FTO: variants seen among roughly 807,000 people sequenced by gnomAD.
FTO encodes the protein alpha-ketoglutarate-dependent dioxygenase FTO.
In FTO, 47 loss-of-function variants were observed where a neutral mutation model predicts 63.9. The ratio of observed to expected loss-of-function variants is 0.74; its 90% CI spans 0.58 to 0.94. The LOEUF is 0.94. FTO is among the 40% of genes least tolerant of loss of function. FTO has a pLI of 0.00. For synonymous variants in FTO, 207 were observed against 224.4 expected (o/e 0.92, Z 0.69); for missense variants, 562 against 618.1 (o/e 0.91, Z 0.96).
chr16:53,924,876 G>A (rs2082100643), intron 7 of FTO, among the ~76,000 whole-genome samples: 1 of 152,102 alleles, frequency 6.6e-6, no homozygotes, highest in Non-Finnish European at 1.5e-5. Context: ...AATCTTTGGT[G>A]GTGCCCAGTC....
chr16:54,108,750 T>A (rs1232001726), intron 8 of FTO, among the ~76,000 whole-genome samples: 1 of 152,208 alleles, frequency 6.6e-6, no homozygotes, highest in Non-Finnish European at 1.5e-5. Flanking sequence ...AGTAAGATAC[T>A]ATTATTACCG....
At chr16:53,939,466 T>C (rs1393932979) in intron 8 of FTO, among the ~76,000 whole-genome samples, 1 of 152,170 alleles carries the variant, frequency 6.6e-6, no homozygotes, top group Non-Finnish European at 1.5e-5. Context: ...TAACGTAAAA[T>C]TGCATATAAC....
At chr16:54,036,949 A>G (rs1418093295) in intron 8 of FTO, among the ~76,000 whole-genome samples, 3 of 152,204 alleles carry the variant, frequency 2.0e-5, no homozygotes, top group South Asian at 2.1e-4. Context: ...TATAGATTAG[A>G]AAGTTGTCAG....
intron 8 of FTO, among the ~76,000 whole-genome samples, chr16:54,003,348 G>T (rs1438477015): frequency 1.3e-5 from 2 of 152,146 alleles, no homozygotes. Context: ...GCCAACATCT[G>T]TTATTATATT....
At chr16:54,031,547 TG>T (rs2084833068) in intron 8 of FTO, among the ~76,000 whole-genome samples, 1 of 152,198 alleles carries the variant, frequency 6.6e-6, no homozygotes. Flanking sequence ...ACAGAGCTGG[TG>T]AGTCAGTTCC....
intron 1 of FTO, among the ~76,000 whole-genome samples, chr16:53,715,426 A>AC (rs2151475360): frequency 6.6e-6 from 1 of 152,328 alleles, no homozygotes; most frequent in Non-Finnish European, 1.5e-5. Flanking sequence ...GTCAATAAGT[A>AC]CCAGGGATGT....
At chr16:54,070,617 T>C (rs1397165002) in intron 8 of FTO, 1 of 152,228 alleles carries the variant, frequency 6.6e-6, no homozygotes, top group Non-Finnish European at 1.5e-5. Context: ...AAAAACACTT[T>C]CTAATACCAC....
chr16:53,910,642 T>C lies in FTO; in HGVS notation c.1239+21691T>C, dbSNP rs573804110. On this transcript the variant is annotated intron_variant, in intron 7 of 8. Transcript: ENST00000471389. ...ACCTCCGCCTCCCAGGTTCAAGTAATCCTCCTGCCTCAGCCTCCCAAGTAG... is the reference window on the plus strand; with the variant it reads ...ACCTCCGCCTCCCAGGTTCAAGTAACCCTCCTGCCTCAGCCTCCCAAGTAG... 1.2e-4 allele frequency among the ~76,000 whole-genome samples: 18 copies of C among 152,280 alleles called. No homozygotes were observed. In the South Asian group the frequency reaches 3.7e-3, roughly 32 times the overall value.
chr16:53,924,671 G>A (rs972528364), intron 7 of FTO, among the ~76,000 whole-genome samples: 2 of 152,188 alleles, frequency 1.3e-5, no homozygotes, highest in Admixed American at 1.3e-4. Context: ...GTGGCACCCA[G>A]TGGTGACTTG....
intron 1 of FTO, among the ~76,000 whole-genome samples, chr16:53,736,632 C>G (rs1393985469): frequency 6.6e-6 from 1 of 152,150 alleles, no homozygotes; most frequent in Non-Finnish European, 1.5e-5. Flanking sequence ...TTCCCTTCTC[C>G]CCAACATCCT....
intron 8 of FTO, among the ~76,000 whole-genome samples, chr16:54,031,511 C>T (rs1188806930): frequency 1.3e-5 from 2 of 151,950 alleles, no homozygotes; most frequent in African/African-American, 4.8e-5. Context: ...TGTCTTTGTG[C>T]CTGAGTCAGT....
chr16:53,971,363 A>G (rs2083313018), intron 8 of FTO, among the ~76,000 whole-genome samples: 1 of 152,222 alleles, frequency 6.6e-6, no homozygotes, highest in Non-Finnish European at 1.5e-5. Context: ...TGCTTTCCAA[A>G]AGCGTTGCAC....
intron 8 of FTO, among the ~76,000 whole-genome samples, chr16:54,090,239 A>G (rs2086353507): frequency 6.6e-6 from 1 of 152,254 alleles, no homozygotes; most frequent in Non-Finnish European, 1.5e-5. Context: ...CACAGTATGA[A>G]TGAACCTTGA....
intron 7 of FTO, among the ~76,000 whole-genome samples, chr16:53,921,414 C>T (rs1415218467): frequency 6.6e-6 from 1 of 152,126 alleles, no homozygotes; most frequent in East Asian, 1.9e-4. Flanking sequence ...CACTTTTAGG[C>T]CAAACATCAT....
At chr16:53,989,899 A>G (rs768264050) in intron 8 of FTO, among the ~76,000 whole-genome samples, 18 of 151,966 alleles carry the variant, frequency 1.2e-4, no homozygotes, top group Non-Finnish European at 2.5e-4. Context: ...AAGACCTTTA[A>G]GATGATCCAC....
At position 53,933,974 on chromosome 16, in the gene FTO, A is replaced by G. The variant is rs1397683312; in HGVS notation, c.1240-11A>G. ...ACTTTTTCTTTCTCTGTTTTGGATCATTTCTTGTAGACAAATGCTGTGCTT... is the reference window on the plus strand; with the variant it reads ...ACTTTTTCTTTCTCTGTTTTGGATCGTTTCTTGTAGACAAATGCTGTGCTT... On this transcript the variant is annotated splice_polypyrimidine_tract_variant and intron_variant, in intron 7 of 8. Coordinates refer to ENST00000471389, the MANE Select transcript of FTO (RefSeq NM_001080432.3). 1.2e-6 allele frequency: 2 copies of G among 1,613,314 alleles called. No homozygotes were observed. Among genetic ancestry groups the G allele is most frequent in the African/African-American group, 2.7e-5 (2 of 74,790 alleles).
chr16:53,943,100 C>A (rs2082570804), intron 8 of FTO, among the ~76,000 whole-genome samples: 1 of 152,196 alleles, frequency 6.6e-6, no homozygotes, highest in South Asian at 2.1e-4. Flanking sequence ...GAAGAAAGTT[C>A]TTTGTGTTTC....
At chr16:53,903,570 T>C (rs923501787) in intron 7 of FTO, among the ~76,000 whole-genome samples, 37 of 152,324 alleles carry the variant, frequency 2.4e-4, no homozygotes, top group African/African-American at 7.9e-4. Flanking sequence ...AGATATTCTA[T>C]GTAGTTACAA....
chr16:53,852,973 T>C (rs999326612), intron 4 of FTO, among the ~76,000 whole-genome samples: 1 of 152,216 alleles, frequency 6.6e-6, no homozygotes, highest in African/African-American at 2.4e-5. Flanking sequence ...TTTCTTCTCA[T>C]TGGACACCTT....
Sources: gnomAD v4.1 joint callset for allele counts (sites outside exome capture counted in the v4.1 genomes callset) on GRCh38, gnomAD v4.1.1 for gene constraint, MANE v1.5 for transcripts, NCBI Gene and HGNC (gene_info 2026-07-23, HGNC 2026-07-21) for gene names.